ARHGEF12: variants seen among roughly 807,000 people sequenced by gnomAD.
The protein encoded by ARHGEF12 is KMT2A/ARHGEF12 fusion protein.
A neutral mutation model predicts 211.2 loss-of-function variants in ARHGEF12; 66 were observed. That is an observed-to-expected ratio of 0.31 (90% confidence interval 0.26 to 0.38). The LOEUF is 0.38. Among genes scored for constraint, ARHGEF12 ranks in the 10% least tolerant of loss-of-function variants. The probability of loss-of-function intolerance (pLI) is 1.00; values close to 1 mark genes in which losing one functional copy is unlikely to be tolerated. For missense variants in ARHGEF12, 1,429 were observed against 1,869.5 expected, an observed-to-expected ratio of 0.76 and a Z score of 4.34; for synonymous variants, 592 against 638.4, an observed-to-expected ratio of 0.93 and a Z score of 1.09.
chr11:120,360,645 G>A (rs572974209), intron 1 of ARHGEF12, among the ~76,000 whole-genome samples: 8 of 152,196 alleles, frequency 5.3e-5, no homozygotes, highest in South Asian at 4.1e-4. Context: ...CGCCTACCTC[G>A]GCTTCCCAAA....
Position 120,477,388 on chromosome 11 carries a change from G to A in ARHGEF12, c.3453-59G>A, listed in dbSNP as rs1309385303. 1.3e-5 allele frequency: 20 copies of A among 1,584,336 alleles called. No individual in the cohort carries two copies. In the Admixed American group the frequency reaches 1.5e-4, roughly 12 times the overall value. ...TAGGATAATTATTATGTTTTGTTGC[G>A]ATGATGTTTAGATACCTCAGGAAGG... On this transcript the variant is annotated intron_variant, in intron 35 of 40. Coordinates refer to ENST00000397843, the MANE Select transcript of ARHGEF12 (RefSeq NM_015313.3).
At chr11:120,348,026 A>G (rs1056400420) in intron 1 of ARHGEF12, among the ~76,000 whole-genome samples, 13 of 152,234 alleles carry the variant, frequency 8.5e-5, no homozygotes, top group Non-Finnish European at 1.5e-4. Context: ...CATTGTGTAC[A>G]GAGACACTTA....
At chr11:120,354,954 G>T (rs1260471558) in intron 1 of ARHGEF12, among the ~76,000 whole-genome samples, 1 of 152,098 alleles carries the variant, frequency 6.6e-6, no homozygotes, top group Non-Finnish European at 1.5e-5. Context: ...CTCCCCGTGG[G>T]GTAAAGGTCT....
intron 2 of ARHGEF12, among the ~76,000 whole-genome samples, chr11:120,407,318 T>C (rs1022757267): frequency 6.6e-6 from 1 of 152,252 alleles, no homozygotes; most frequent in African/African-American, 2.4e-5. Context: ...TTTTAAATGT[T>C]AAACCGTTCT....
chr11:120,460,771 C>T lies in ARHGEF12; in HGVS notation c.2613+14C>T. 6.2e-7 allele frequency: 1 copy of T among 1,605,618 alleles called. No individual in the cohort carries two copies. The highest frequency in any genetic ancestry group is 2.2e-5 in the East Asian group (1 of 44,764). On this transcript the variant is annotated intron_variant, in intron 27 of 40. Coordinates refer to ENST00000397843, the MANE Select transcript of ARHGEF12 (RefSeq NM_015313.3). Reference sequence around the variant, plus strand: ...TTGCTGACATGGGTAAGGAAATTTTCTGTTTCTTTTTAATATTTTTATGGA... The same window carrying T: ...TTGCTGACATGGGTAAGGAAATTTTTTGTTTCTTTTTAATATTTTTATGGA...
At chr11:120,337,820 A>G (rs1942402619) in intron 1 of ARHGEF12, 2 of 985,338 alleles carry the variant, frequency 2.0e-6, no homozygotes, top group African/African-American at 1.7e-5. Flanking sequence ...CATTACCAGT[A>G]AATCACAGGT....
chr11:120,387,684 T>C (rs1452505982), intron 1 of ARHGEF12, among the ~76,000 whole-genome samples: 1 of 152,176 alleles, frequency 6.6e-6, no homozygotes, highest in East Asian at 1.9e-4. Flanking sequence ...TAGGTTTGTT[T>C]ACCCAGTGTT....
chr11:120,395,273 G>T (rs1591538839), intron 1 of ARHGEF12, among the ~76,000 whole-genome samples: 1 of 151,974 alleles, frequency 6.6e-6, no homozygotes. Flanking sequence ...ACCGGGTAGG[G>T]TTTATCCCAG....
At chr11:120,420,986 A>G (rs774254420) in intron 5 of ARHGEF12, 135 bp downstream of exon 5, 1 of 708,726 alleles carries the variant, frequency 1.4e-6, no homozygotes. Flanking sequence ...AGATTCGTCT[A>G]TCATGTCATA....
chr11:120,473,233 TGTATC>T (rs1416127250), intron 31 of ARHGEF12, 106 bp downstream of exon 31: 1 of 957,952 alleles, frequency 1.0e-6, no homozygotes, highest in East Asian at 2.6e-5. Context: ...AAGGAGTTCT[TGTATC>T]GTAGATTATC....
At chr11:120,484,150 T>G (rs1027265710) in intron 39 of ARHGEF12, among the ~76,000 whole-genome samples, 10 of 152,222 alleles carry the variant, frequency 6.6e-5, no homozygotes, top group Non-Finnish European at 1.5e-5. Flanking sequence ...CGGGACCATG[T>G]CCAGGGTGAC....
rs770972251 is a variant in ARHGEF12, at chr11:120,445,480, T to G, written c.1345+16T>G. The G allele has an allele frequency of 6.8e-6, 11 of 1,612,730 alleles. No individual in the cohort carries two copies. The South Asian group carries it at 1.2e-4, about 18-fold the overall frequency. ...GCAGATCTAGGTAAGCTTGGAGCAC[T>G]AACATCCTGGAGAATTACATCTTAA... On this transcript the variant is annotated intron_variant, in intron 16 of 40. Coordinates refer to ENST00000397843, the MANE Select transcript of ARHGEF12 (RefSeq NM_015313.3).
chr11:120,449,027 T>TA, intron 20 of ARHGEF12, 82 bp from the exon 21 acceptor site: 4 of 1,144,444 alleles, frequency 3.5e-6, no homozygotes, highest in Non-Finnish European at 5.0e-6. Flanking sequence ...TTCTTTGAAC[T>TA]AACCATTAGC....
rs1259552370 is a variant in ARHGEF12 at position 120,424,424 on chromosome 11, A to C, written c.406+9A>C. The C allele has an allele frequency of 6.2e-7, 1 of 1,611,928 alleles. No individual in the cohort carries two copies. Among genetic ancestry groups the C allele is most frequent in the Non-Finnish European group, 8.5e-7 (1 of 1,178,476 alleles). ...GGTGAAGCTAATCAAATGTAGGTGA[A>C]TGTTATTCTTAGTTTTAATTGTTTT... On this transcript the variant is annotated intron_variant, in intron 7 of 40. Transcript: ENST00000397843.
intron 11 of ARHGEF12, among the ~76,000 whole-genome samples, chr11:120,436,319 A>G (rs1002765729): frequency 1.3e-5 from 2 of 152,192 alleles, no homozygotes; most frequent in Non-Finnish European, 1.5e-5. Context: ...TGGGGCATAC[A>G]TTTGAAAGTG....
intron 1 of ARHGEF12, among the ~76,000 whole-genome samples, chr11:120,380,498 C>A (rs564733895): frequency 6.6e-6 from 1 of 152,260 alleles, no homozygotes; most frequent in South Asian, 2.1e-4. Flanking sequence ...CACGACCTTG[C>A]CATCCCCGAG....
intron 20 of ARHGEF12, 140 bp from the exon 21 acceptor site, chr11:120,448,969 C>T (rs1471520890): frequency 9.2e-6 from 6 of 652,030 alleles, no homozygotes; most frequent in Middle Eastern, 8.6e-4. Flanking sequence ...TTAATTAGTG[C>T]TCTGTGTGCA....
chr11:120,452,827 C>G (rs919823591), intron 22 of ARHGEF12, among the ~76,000 whole-genome samples: 1 of 151,904 alleles, frequency 6.6e-6, no homozygotes, highest in Admixed American at 6.6e-5. Flanking sequence ...GAAACCCGGT[C>G]TCTACTAAAA....
At chr11:120,407,175 C>T (rs1944729664) in intron 2 of ARHGEF12, among the ~76,000 whole-genome samples, 1 of 152,160 alleles carries the variant, frequency 6.6e-6, no homozygotes, top group Admixed American at 6.5e-5. Context: ...CAACCATTAT[C>T]TGATCAGTGT....
Sources: allele counts gnomAD v4.1 joint callset (sites outside exome capture counted in the v4.1 genomes callset), GRCh38; gene constraint gnomAD v4.1.1; transcripts MANE v1.5; gene names NCBI Gene and HGNC (gene_info 2026-07-23, HGNC 2026-07-21).